Variants in KLHL13 observed in about 807,000 individuals in gnomAD.
KLHL13 encodes kelch-like protein 13.
KLHL13 carries 10 observed loss-of-function variants against 37.1 expected under a neutral mutation model. The ratio of observed to expected loss-of-function variants is 0.27; its 90% CI spans 0.17 to 0.46. The LOEUF is 0.46. KLHL13 is among the 20% of genes least tolerant of loss of function. The probability of loss-of-function intolerance (pLI) is 1.00; values close to 1 mark genes in which losing one functional copy is unlikely to be tolerated. For synonymous variants in KLHL13, 163 were observed against 181.2 expected (o/e 0.90, Z 0.81); for missense variants, 360 against 509.3 (o/e 0.71, Z 2.82).
intron 1 of KLHL13, among the ~76,000 whole-genome samples, chrX:118,098,150 G>A (rs187401914): frequency 0.043 from 4,753 of 111,538 alleles, 255 homozygotes; most frequent in African/African-American, 0.14. Flanking sequence ...GCAACCTACA[G>A]AATGGGAGAA....
At chrX:118,092,864 G>T (rs2055153368) in intron 1 of KLHL13, among the ~76,000 whole-genome samples, 1 of 111,682 alleles carries the variant, frequency 9.0e-6, no homozygotes, top group Non-Finnish European at 1.9e-5. Flanking sequence ...CTGGGTGACA[G>T]GTACCCAGGA....
intron 1 of KLHL13, among the ~76,000 whole-genome samples, chrX:117,955,375 TA>T (rs1402980533): frequency 7.2e-5 from 8 of 111,825 alleles, no homozygotes; most frequent in Non-Finnish European, 1.5e-4. Flanking sequence ...CACAAAGTAG[TA>T]ACCATTGCAT....
At chrX:118,064,141 T>TA (rs1426927578) in intron 1 of KLHL13, among the ~76,000 whole-genome samples, 1 of 111,778 alleles carries the variant, frequency 8.9e-6, no homozygotes, top group East Asian at 2.8e-4. Flanking sequence ...CCAGACAACT[T>TA]AAACTTGTTT....
intron 1 of KLHL13, among the ~76,000 whole-genome samples, chrX:118,011,617 A>G (rs1315847126): frequency 9.0e-6 from 1 of 111,496 alleles, no homozygotes; most frequent in Non-Finnish European, 1.9e-5. Flanking sequence ...AAGTGGACTT[A>G]GAGACTAACT....
intron 1 of KLHL13, among the ~76,000 whole-genome samples, chrX:117,982,819 C>G (rs1342043969): frequency 9.0e-6 from 1 of 111,656 alleles, no homozygotes; most frequent in Non-Finnish European, 1.9e-5. Flanking sequence ...TGTCTTCTTT[C>G]TCAGTCCCTG....
chrX:118,083,261 T>C (rs2055016899), intron 1 of KLHL13, among the ~76,000 whole-genome samples: 1 of 111,528 alleles, frequency 9.0e-6, no homozygotes, highest in Admixed American at 9.6e-5. Flanking sequence ...TATATGTATC[T>C]ATCATCATAT....
chrX:117,962,223 C>T (rs1433951680), intron 1 of KLHL13, among the ~76,000 whole-genome samples: 1 of 103,781 alleles, frequency 9.6e-6, no homozygotes, highest in East Asian at 2.9e-4. Context: ...AAAAAAAAAA[C>T]TGTAGGATAA....
At chrX:118,027,975 A>C (rs369987135) in intron 1 of KLHL13, among the ~76,000 whole-genome samples, 4 of 112,061 alleles carry the variant, frequency 3.6e-5, no homozygotes, top group African/African-American at 1.3e-4. Flanking sequence ...TTGTCAGAAG[A>C]AGCTTTAAAT....
intron 1 of KLHL13, among the ~76,000 whole-genome samples, chrX:118,110,194 C>G (rs1364461335): frequency 1.8e-5 from 2 of 110,194 alleles, no homozygotes; most frequent in African/African-American, 6.6e-5. Context: ...TTTCAATTAA[C>G]TCTTGGGTTT....
At chrX:118,102,093 G>A (rs1285946364) in intron 1 of KLHL13, among the ~76,000 whole-genome samples, 2 of 111,344 alleles carry the variant, frequency 1.8e-5, no homozygotes, top group African/African-American at 6.5e-5. Flanking sequence ...GGGTGAGAGA[G>A]GTGCTAAAGG....
intron 5 of KLHL13, among the ~76,000 whole-genome samples, chrX:117,906,129 T>G: frequency 9.0e-6 from 1 of 111,661 alleles, no homozygotes; most frequent in East Asian, 2.8e-4. Flanking sequence ...ATGGGAATGT[T>G]AATTTATTAT....
At chrX:118,064,240 A>G (rs1308091244) in intron 1 of KLHL13, among the ~76,000 whole-genome samples, 1 of 111,973 alleles carries the variant, frequency 8.9e-6, no homozygotes, top group African/African-American at 3.2e-5. Flanking sequence ...TTTTTCACTT[A>G]AAAATGTGTT....
intron 2 of KLHL13, among the ~76,000 whole-genome samples, chrX:117,930,286 A>AGGCAGGCAGGCAGGCAGGCAGGC (rs1366111839): frequency 3.4e-5 from 3 of 89,346 alleles, no homozygotes; most frequent in African/African-American, 1.6e-4. Context: ...GGAAGGAAGG[A>AGGCAGGCAGGCAGGCAGGCAGGC]AGGAAGGCAG....
At chrX:117,970,509 C>G (rs149269364) in intron 1 of KLHL13, among the ~76,000 whole-genome samples, 1 of 111,285 alleles carries the variant, frequency 9.0e-6, no homozygotes, top group Non-Finnish European at 1.9e-5. Flanking sequence ...ATTGTGAGAA[C>G]AAATATAATG....
At chrX:117,954,687 G>T (rs1469279035) in intron 1 of KLHL13, among the ~76,000 whole-genome samples, 1 of 111,950 alleles carries the variant, frequency 8.9e-6, no homozygotes, top group Non-Finnish European at 1.9e-5. Context: ...ATGTAGAAGT[G>T]GGCTAGGAGA....
chrX:117,920,433 G>A lies in KLHL13; in HGVS notation c.241-63C>T, dbSNP rs1931628079. ...AAAATGAGGTTACAAATCTTCGTGT[G>A]CTAAAATTGTTTGAATATTAATGTG... On this transcript the variant is annotated intron_variant, in intron 2 of 6. Transcript: ENST00000262820. 7.3e-6 allele frequency: 8 copies of A among 1,095,090 alleles called. No homozygotes were observed. The South Asian group carries it at 1.0e-4, about 14-fold the overall frequency. 90.2% of individuals were successfully genotyped at this position (1,095,090 alleles called of 1,213,427 possible). A position where few individuals can be genotyped will look rare whatever the true frequency, so the allele number is the denominator to read the frequency against.
In KLHL13 at chrX:117,962,201, T is replaced by A. The variant is rs190456514; in HGVS notation, c.98+10530A>T. Among the ~76,000 whole-genome samples the A allele has an allele frequency of 1.1e-4, 11 of 96,635 alleles. No individual in the cohort carries two copies. The East Asian group carries it at 2.7e-3, about 24-fold the overall frequency. 83.9% of individuals were successfully genotyped at this position (96,635 alleles called of 115,157 possible). Reference sequence around the variant, plus strand: ...CTCCAGCCTGGGCGACACAGTGAGATCCCCATCTCAAAAAAAAAAAACTGT... The same window carrying A: ...CTCCAGCCTGGGCGACACAGTGAGAACCCCATCTCAAAAAAAAAAAACTGT... On this transcript the variant is annotated intron_variant, in intron 1 of 6. Transcript: ENST00000262820.
chrX:118,028,393 T>C, intron 1 of KLHL13, 31 bp downstream of exon 2: 1 of 952,643 alleles, frequency 1.0e-6, no homozygotes, highest in Middle Eastern at 2.6e-4. Context: ...GGAAAGACGT[T>C]ATATAAGTTA....
intron 1 of KLHL13, among the ~76,000 whole-genome samples, chrX:118,081,995 T>G (rs2055000453): frequency 9.1e-6 from 1 of 109,339 alleles, no homozygotes. Flanking sequence ...TATCAGCTTT[T>G]CTTTATCCAG....
Sources: gnomAD v4.1 joint callset for allele counts (sites outside exome capture counted in the v4.1 genomes callset) on GRCh38, gnomAD v4.1.1 for gene constraint, MANE v1.5 for transcripts, NCBI Gene and HGNC (gene_info 2026-07-23, HGNC 2026-07-21) for gene names.